Variants in C1QTNF3 observed in about 807,000 individuals in gnomAD.
C1QTNF3 encodes the protein C1q and TNF related 3.
In C1QTNF3, 26 loss-of-function variants were observed where a neutral mutation model predicts 32.6. The ratio of observed to expected loss-of-function variants is 0.80; its 90% CI spans 0.58 to 1.11. The LOEUF (loss-of-function observed/expected upper bound fraction) is 1.11. Ranked by LOEUF, C1QTNF3 falls within the 50% of genes least tolerant of loss-of-function variation. The pLI, the probability that C1QTNF3 is intolerant of heterozygous loss-of-function variation, is 0.00. For missense variants in C1QTNF3, 362 were observed against 398.2 expected (o/e 0.91, Z 0.77); for synonymous variants, 155 against 146.0 (o/e 1.06, Z -0.44).
chr5:34,178,174 G>A, the C1QTNF3 span, among the ~76,000 whole-genome samples: 3 of 151,244 alleles, frequency 2.0e-5, no homozygotes, highest in Non-Finnish European at 2.9e-5. Context: ...CAAGCTACTT[G>A]GGAGGCTGAT....
intron 4 of C1QTNF3, among the ~76,000 whole-genome samples, 189 bp downstream of exon 4, chr5:34,028,565 G>A (rs1244688976): frequency 1.3e-5 from 2 of 152,140 alleles, no homozygotes; most frequent in South Asian, 2.1e-4. Context: ...AAATCTAAAT[G>A]AGCTGTTTGG....
At chr5:34,082,371 A>G in the C1QTNF3 span, among the ~76,000 whole-genome samples, 1 of 151,426 alleles carries the variant, frequency 6.6e-6, no homozygotes, top group South Asian at 2.1e-4. Context: ...AAATAATTCT[A>G]TTATTAGGCA....
chr5:34,172,573 G>A, the C1QTNF3 span, among the ~76,000 whole-genome samples: 4 of 152,224 alleles, frequency 2.6e-5, no homozygotes, highest in East Asian at 7.7e-4. Context: ...AAGATTCAGG[G>A]ATGCAATGAG....
chr5:34,134,006 C>A, the C1QTNF3 span, among the ~76,000 whole-genome samples: 3 of 152,124 alleles, frequency 2.0e-5, no homozygotes, highest in South Asian at 4.1e-4. Flanking sequence ...CTGTATGAAC[C>A]AATTCCAGAT....
the C1QTNF3 span, among the ~76,000 whole-genome samples, chr5:34,065,512 C>T: frequency 7.7e-4 from 117 of 152,136 alleles, 2 homozygotes; most frequent in East Asian, 0.019. Flanking sequence ...ACTAAAAATA[C>T]AAAAATTAGC....
the C1QTNF3 span, among the ~76,000 whole-genome samples, chr5:34,095,210 A>G: frequency 6.6e-6 from 1 of 151,934 alleles, no homozygotes; most frequent in Non-Finnish European, 1.5e-5. Flanking sequence ...GTGTATTTGT[A>G]CCCTTTAACC....
At chr5:34,079,209 T>C in the C1QTNF3 span, among the ~76,000 whole-genome samples, 1 of 151,650 alleles carries the variant, frequency 6.6e-6, no homozygotes, top group East Asian at 1.9e-4. Context: ...TTATTACATC[T>C]CTGAAAAAAT....
chr5:34,155,939 T>G, the C1QTNF3 span, among the ~76,000 whole-genome samples: 14 of 152,294 alleles, frequency 9.2e-5, no homozygotes, highest in African/African-American at 2.4e-4. Flanking sequence ...ACTTTTTGCT[T>G]TTTGATATTG....
upstream of C1QTNF3, among the ~76,000 whole-genome samples, chr5:34,044,508 C>T (rs1314738812): frequency 1.3e-5 from 2 of 152,052 alleles, no homozygotes; most frequent in East Asian, 3.9e-4. Context: ...GGAGAGAGAG[C>T]TGTTGACAGC....
chr5:34,083,176 G>A, the C1QTNF3 span, among the ~76,000 whole-genome samples: 2 of 151,010 alleles, frequency 1.3e-5, no homozygotes, highest in African/African-American at 2.5e-5. Context: ...ATATAAAAGA[G>A]TGGATCTCCA....
chr5:34,071,282 C>A, the C1QTNF3 span, among the ~76,000 whole-genome samples: 1 of 152,150 alleles, frequency 6.6e-6, no homozygotes, highest in Non-Finnish European at 1.5e-5. Context: ...GGATTTTGAA[C>A]TGCAATTGAT....
At chr5:34,204,234 A>T in the C1QTNF3 span, among the ~76,000 whole-genome samples, 13 of 152,308 alleles carry the variant, frequency 8.5e-5, no homozygotes, top group African/African-American at 2.9e-4. Flanking sequence ...ATAAAACCGC[A>T]ATTTCACCCA....
intron 1 of C1QTNF3, among the ~76,000 whole-genome samples, chr5:34,040,187 T>C (rs1036736143): frequency 5.9e-5 from 9 of 152,190 alleles, no homozygotes; most frequent in Non-Finnish European, 1.5e-5. Context: ...ATGACCTCCT[T>C]GTTTATCATC....
the C1QTNF3 span, among the ~76,000 whole-genome samples, chr5:34,104,987 G>GT: frequency 3.7e-3 from 490 of 133,046 alleles, 3 homozygotes; most frequent in East Asian, 0.019. Context: ...TTCAGCAAGA[G>GT]TTTTTTTTTT....
chr5:34,045,431 G>T (rs1754970670), upstream of C1QTNF3, among the ~76,000 whole-genome samples: 1 of 152,114 alleles, frequency 6.6e-6, no homozygotes, highest in African/African-American at 2.4e-5. Context: ...GTGCATCCAG[G>T]GTTAGGAATC....
intron 3 of C1QTNF3, among the ~76,000 whole-genome samples, chr5:34,030,965 G>C: frequency 6.6e-6 from 1 of 151,988 alleles, no homozygotes; most frequent in East Asian, 1.9e-4. Context: ...AGAGAATCAG[G>C]AAAAATAACC....
chr5:34,056,452 G>GTATATA, the C1QTNF3 span, among the ~76,000 whole-genome samples: 6 of 53,486 alleles, frequency 1.1e-4, no homozygotes, highest in South Asian at 8.3e-4. Flanking sequence ...GTGTGTGTGT[G>GTATATA]TGTATATATA....
the C1QTNF3 span, among the ~76,000 whole-genome samples, chr5:34,118,312 C>G: frequency 6.6e-6 from 1 of 152,132 alleles, no homozygotes; most frequent in Non-Finnish European, 1.5e-5. Context: ...CTCCTGACCC[C>G]AAATGATCCA....
chr5:34,188,212 T>C, the C1QTNF3 span, among the ~76,000 whole-genome samples: 4 of 69,514 alleles, frequency 5.8e-5, no homozygotes, highest in African/African-American at 2.8e-4. Context: ...TGCCTGGAAA[T>C]CCAGGCAAGT....
Sources: allele counts gnomAD v4.1 joint callset (sites outside exome capture counted in the v4.1 genomes callset), GRCh38; gene constraint gnomAD v4.1.1; transcripts MANE v1.5; gene names NCBI Gene and HGNC (gene_info 2026-07-23, HGNC 2026-07-21).